Variants in CTIF observed in about 807,000 individuals in gnomAD.
CTIF encodes the protein cap binding complex dependent translation initiation factor, also known as CBP80/20-dependent translation initiation factor.
In CTIF, 21 loss-of-function variants were observed where a neutral mutation model predicts 66.0. That is an observed-to-expected ratio of 0.32 (90% confidence interval 0.23 to 0.46). The LOEUF is 0.46. Ranked by LOEUF, CTIF falls within the 20% of genes least tolerant of loss-of-function variation. The probability of loss-of-function intolerance (pLI) is 1.00; values close to 1 mark genes in which losing one functional copy is unlikely to be tolerated. For synonymous variants in CTIF, 345 were observed against 326.4 expected (o/e 1.06, Z -0.62); for missense variants, 739 against 812.7 (o/e 0.91, Z 1.10).
chr18:48,779,224 A>G (rs1599029202), intron 9 of CTIF, among the ~76,000 whole-genome samples: 1 of 152,240 alleles, frequency 6.6e-6, no homozygotes, highest in Non-Finnish European at 1.5e-5. Context: ...CCATTGGGCC[A>G]GCTCTCTGCA....
rs138738092 is a variant in CTIF at position 48,640,795 on chromosome 18, C to G, written c.252+4110C>G. On this transcript the variant is annotated intron_variant, in intron 3 of 11. Coordinates refer to ENST00000256413, the MANE Select transcript of CTIF (RefSeq NM_014772.3). ...TAGTCATACACTGGGATGATTGATT[C>G]ATCCCCAGCAGGCTTCCAGCCTCAT... 9.1e-4 allele frequency among the ~76,000 whole-genome samples: 139 copies of G among 152,364 alleles called. 2 individuals carry two copies. In the South Asian group the frequency reaches 0.021, roughly 23 times the overall value.
chr18:48,759,038 C>T (rs1443775774), intron 8 of CTIF, among the ~76,000 whole-genome samples: 1 of 152,166 alleles, frequency 6.6e-6, no homozygotes, highest in Non-Finnish European at 1.5e-5. Context: ...GGCCTCCTTA[C>T]TTTTGCTCCC....
intron 6 of CTIF, among the ~76,000 whole-genome samples, chr18:48,687,798 G>A (rs919871502): frequency 3.0e-4 from 46 of 152,206 alleles, no homozygotes; most frequent in African/African-American, 1.1e-3. Flanking sequence ...TAAGGCACCA[G>A]GTAGTTGCTG....
At chr18:48,846,938 TACAG>T (rs1275305693) in intron 10 of CTIF, among the ~76,000 whole-genome samples, 1 of 151,822 alleles carries the variant, frequency 6.6e-6, no homozygotes, top group Non-Finnish European at 1.5e-5. Flanking sequence ...TAGTGGCCAA[TACAG>T]ACAAAGAATA....
At chr18:48,696,056 G>A (rs1283890893) in intron 6 of CTIF, among the ~76,000 whole-genome samples, 3 of 152,228 alleles carry the variant, frequency 2.0e-5, no homozygotes, top group African/African-American at 4.8e-5. Context: ...GGCAGGTTTC[G>A]TGCAAAGGCC....
chr18:48,814,730 G>T (rs2068326466), intron 9 of CTIF, among the ~76,000 whole-genome samples: 1 of 152,206 alleles, frequency 6.6e-6, no homozygotes, highest in South Asian at 2.1e-4. Context: ...ACCCTGAACA[G>T]CTAGGACCCC....
At chr18:48,541,431 G>T (rs2088617546) in intron 1 of CTIF, among the ~76,000 whole-genome samples, 1 of 152,218 alleles carries the variant, frequency 6.6e-6, no homozygotes, top group South Asian at 2.1e-4. Flanking sequence ...CGCCCAGAGC[G>T]CAGGGAGGGG....
intron 1 of CTIF, among the ~76,000 whole-genome samples, chr18:48,595,569 G>A (rs1172941567): frequency 6.6e-6 from 1 of 151,990 alleles, no homozygotes; most frequent in Non-Finnish European, 1.5e-5. Flanking sequence ...TGGGACCAGC[G>A]GTGCACACCA....
chr18:48,648,322 C>G (rs1385527029), intron 3 of CTIF, among the ~76,000 whole-genome samples: 2 of 152,142 alleles, frequency 1.3e-5, no homozygotes, highest in Non-Finnish European at 2.9e-5. Flanking sequence ...AAAGGAATGG[C>G]CTTTCCCTCT....
intron 1 of CTIF, among the ~76,000 whole-genome samples, chr18:48,597,381 T>C (rs1054738129): frequency 6.6e-6 from 1 of 152,166 alleles, no homozygotes; most frequent in Non-Finnish European, 1.5e-5. Flanking sequence ...TGAATATGTG[T>C]CCCCTCTCAA....
At chr18:48,729,214 G>T (rs1029562224) in intron 7 of CTIF, among the ~76,000 whole-genome samples, 3 of 152,064 alleles carry the variant, frequency 2.0e-5, no homozygotes, top group African/African-American at 4.8e-5. Flanking sequence ...CTTACCCAGG[G>T]GGTCCAGCAG....
At chr18:48,830,412 C>T (rs1354893943) in intron 10 of CTIF, among the ~76,000 whole-genome samples, 1 of 152,164 alleles carries the variant, frequency 6.6e-6, no homozygotes, top group Non-Finnish European at 1.5e-5. Flanking sequence ...GATCCGCCCA[C>T]CTTGGCCTCC....
intron 6 of CTIF, among the ~76,000 whole-genome samples, chr18:48,671,556 TG>T (rs1171633518): frequency 3.3e-5 from 5 of 152,348 alleles, no homozygotes; most frequent in South Asian, 2.1e-4. Context: ...GGCCTATCAA[TG>T]AGAGACAATA....
At chr18:48,737,648 T>C (rs1478479587) in intron 7 of CTIF, among the ~76,000 whole-genome samples, 1 of 152,056 alleles carries the variant, frequency 6.6e-6, no homozygotes, top group Non-Finnish European at 1.5e-5. Flanking sequence ...AAAAAGTATA[T>C]GTAGTATGCT....
chr18:48,772,075 G>C (rs1462848515), intron 9 of CTIF, among the ~76,000 whole-genome samples: 1 of 152,232 alleles, frequency 6.6e-6, no homozygotes, highest in Admixed American at 6.5e-5. Context: ...AGACCACAGA[G>C]GGTCACTCTT....
intron 1 of CTIF, among the ~76,000 whole-genome samples, chr18:48,582,741 T>G (rs1380479556): frequency 5.3e-5 from 8 of 152,168 alleles, no homozygotes; most frequent in African/African-American, 1.9e-4. Context: ...TAATAAACGT[T>G]TTATTACCTC....
rs988282247 is a variant in CTIF at position 48,863,070 on chromosome 18, C to T, written c.*3511C>T. ...GGAGTGGACGACAGGACCTACCTCC[C>T]CAGAGCAAGGGCCTGGGGCTTCCCG... On this transcript the variant is annotated 3_prime_UTR_variant, in exon 12 of 12. Transcript: ENST00000256413. The T allele has an allele frequency of 6.6e-6, 1 of 152,276 alleles. No homozygotes were observed. 9.4% of individuals were successfully genotyped at this position (152,276 alleles called of 1,614,324 possible).
At chr18:48,801,555 G>A (rs1193484027) in intron 9 of CTIF, among the ~76,000 whole-genome samples, 1 of 152,232 alleles carries the variant, frequency 6.6e-6, no homozygotes, top group Non-Finnish European at 1.5e-5. Context: ...GTGGATGTGA[G>A]CTTCAGGCCG....
rs1449668716 is a variant in CTIF at position 48,808,146 on chromosome 18, C to T, written c.1372-9075C>T. On this transcript the variant is annotated intron_variant, in intron 9 of 11. Transcript: ENST00000256413. ...CTCACTGCATCCTTACCAGCATTGA[C>T]AATTACCATTTTAAGTTGTCCTTAT... 2.0e-5 allele frequency among the ~76,000 whole-genome samples: 3 copies of T among 152,180 alleles called. No homozygotes were observed. In the East Asian group the frequency reaches 5.8e-4, roughly 29 times the overall value.
Sources: allele counts gnomAD v4.1 joint callset (sites outside exome capture counted in the v4.1 genomes callset), GRCh38; gene constraint gnomAD v4.1.1; transcripts MANE v1.5; gene names NCBI Gene and HGNC (gene_info 2026-07-23, HGNC 2026-07-21).